The following DNAJB14 variants were observed in gnomAD, a reference collection of about 807,000 sequenced individuals.
DNAJB14 encodes the protein DnaJ heat shock protein family (Hsp40) member B14.
A neutral mutation model predicts 48.4 loss-of-function variants in DNAJB14; 22 were observed. The ratio of observed to expected loss-of-function variants is 0.45; its 90% CI spans 0.32 to 0.65. The LOEUF is 0.65. Ranked by LOEUF, DNAJB14 falls within the 30% of genes least tolerant of loss-of-function variation. The pLI is 0.03. For missense variants in DNAJB14, 319 were observed against 458.8 expected (o/e 0.70, Z 2.78); for synonymous variants, 142 against 158.7 (o/e 0.89, Z 0.79).
intron 3 of DNAJB14, among the ~76,000 whole-genome samples, chr4:99,911,494 T>C (rs1023094175): frequency 4.6e-5 from 7 of 152,210 alleles, no homozygotes; most frequent in African/African-American, 1.7e-4. Flanking sequence ...TGTGTCATTA[T>C]ATATCCCATT....
chr4:99,930,715 G>A, intron 1 of DNAJB14, 94 bp from the exon 2 acceptor site: 1 of 1,344,974 alleles, frequency 7.4e-7, no homozygotes, highest in Non-Finnish European at 1.0e-6. Flanking sequence ...ATTATGAAGT[G>A]TGTTCTCCAA....
intron 3 of DNAJB14, among the ~76,000 whole-genome samples, chr4:99,920,980 A>G (rs1726034216): frequency 6.6e-6 from 1 of 152,226 alleles, no homozygotes; most frequent in Non-Finnish European, 1.5e-5. Flanking sequence ...CTGATTGGTT[A>G]AAAATAAAAT....
intron 2 of DNAJB14, chr4:99,928,659 AC>A: frequency 2.4e-6 from 1 of 419,912 alleles, no homozygotes; most frequent in Non-Finnish European, 4.9e-6. Flanking sequence ...TTAAAATAAC[AC>A]CAGATTTAGG....
intron 3 of DNAJB14, among the ~76,000 whole-genome samples, chr4:99,915,461 A>G (rs1382843290): frequency 1.3e-5 from 2 of 151,976 alleles, no homozygotes; most frequent in Non-Finnish European, 2.9e-5. Context: ...TGTTTTTTCA[A>G]ATTTGTTTTG....
intron 3 of DNAJB14, among the ~76,000 whole-genome samples, chr4:99,912,837 T>G (rs1379462382): frequency 1.3e-5 from 2 of 152,244 alleles, no homozygotes; most frequent in Non-Finnish European, 2.9e-5. Flanking sequence ...TTTCAGTCCA[T>G]TTATTTAGCT....
chr4:99,909,303 A>G (rs1378180286), intron 3 of DNAJB14, among the ~76,000 whole-genome samples: 3 of 152,036 alleles, frequency 2.0e-5, no homozygotes, highest in Admixed American at 2.0e-4. Flanking sequence ...TCACTTTACA[A>G]ATGAGGGCCC....
intron 3 of DNAJB14, 160 bp downstream of exon 3, chr4:99,922,880 G>T: frequency 1.3e-6 from 1 of 749,916 alleles, no homozygotes; most frequent in Non-Finnish European, 2.0e-6. Flanking sequence ...TTGCCTTCGG[G>T]TATAACCAGT....
intron 3 of DNAJB14, among the ~76,000 whole-genome samples, chr4:99,913,621 GTTTT>G (rs372025043): frequency 9.3e-6 from 1 of 107,626 alleles, no homozygotes; most frequent in East Asian, 2.9e-4. Context: ...CTGGTCTGTA[GTTTT>G]TTTTTTTTTT....
chr4:99,923,213 T>C, intron 2 of DNAJB14, 28 bp from the exon 3 acceptor site: 1 of 1,572,034 alleles, frequency 6.4e-7, no homozygotes, highest in Non-Finnish European at 8.6e-7. Flanking sequence ...TGTTATAATG[T>C]AAATTTCAAG....
chr4:99,913,538 A>C (rs897993864), intron 3 of DNAJB14, among the ~76,000 whole-genome samples: 1 of 151,586 alleles, frequency 6.6e-6, no homozygotes, highest in African/African-American at 2.4e-5. Context: ...TGTTTGGGGT[A>C]TATAATTCTT....
At chr4:99,930,683 A>G (rs1726436109) in intron 1 of DNAJB14, 62 bp from the exon 2 acceptor site, 1 of 1,493,914 alleles carries the variant, frequency 6.7e-7, no homozygotes, top group Admixed American at 2.3e-5. Flanking sequence ...AGATCCTGAG[A>G]AGAAAGTTTT....
chr4:99,916,594 T>C (rs1725863407), intron 3 of DNAJB14, among the ~76,000 whole-genome samples: 1 of 152,232 alleles, frequency 6.6e-6, no homozygotes, highest in African/African-American at 2.4e-5. Flanking sequence ...TTTCCTGACA[T>C]CCTGTGAGTT....
At chr4:99,940,033 C>T (rs528079043) in intron 1 of DNAJB14, among the ~76,000 whole-genome samples, 1 of 152,052 alleles carries the variant, frequency 6.6e-6, no homozygotes, top group African/African-American at 2.4e-5. Context: ...TTAACATAAT[C>T]TGCATGTAAT....
intron 3 of DNAJB14, among the ~76,000 whole-genome samples, chr4:99,913,950 C>G (rs1725760594): frequency 6.6e-6 from 1 of 152,072 alleles, no homozygotes. Flanking sequence ...GCCTTGGCTT[C>G]TGGTGAGGGC....
intron 6 of DNAJB14, among the ~76,000 whole-genome samples, chr4:99,904,167 C>T (rs1725388803): frequency 6.6e-6 from 1 of 152,136 alleles, no homozygotes. Flanking sequence ...TAGGTGGAAA[C>T]TAAAAGCCTG....
intron 3 of DNAJB14, among the ~76,000 whole-genome samples, chr4:99,913,479 T>G (rs1450633116): frequency 2.0e-5 from 3 of 152,170 alleles, no homozygotes; most frequent in African/African-American, 4.8e-5. Flanking sequence ...TTACACTTAT[T>G]GATCTTCAAA....
chr4:99,918,035 A>G (rs1725918153), intron 3 of DNAJB14, among the ~76,000 whole-genome samples: 1 of 151,862 alleles, frequency 6.6e-6, no homozygotes, highest in African/African-American at 2.4e-5. Flanking sequence ...GAAGTTTTCA[A>G]CCTTTAATTT....
intron 1 of DNAJB14, among the ~76,000 whole-genome samples, chr4:99,939,772 A>C (rs994458639): frequency 2.6e-5 from 4 of 152,236 alleles, no homozygotes; most frequent in Non-Finnish European, 4.4e-5. Flanking sequence ...TGTCAGTACT[A>C]ATAATCACTG....
intron 1 of DNAJB14, 110 bp downstream of exon 1, chr4:99,946,329 G>T: frequency 1.3e-6 from 2 of 1,504,148 alleles, no homozygotes; most frequent in Non-Finnish European, 1.8e-6. Context: ...GGCTGGCTCA[G>T]ACAGGCCGGG....
Sources: allele counts gnomAD v4.1 joint callset (sites outside exome capture counted in the v4.1 genomes callset), GRCh38; gene constraint gnomAD v4.1.1; transcripts MANE v1.5; gene names NCBI Gene and HGNC (gene_info 2026-07-23, HGNC 2026-07-21).